Variants in LYST observed in about 807,000 individuals in gnomAD.
LYST encodes lysosomal-trafficking regulator.
LYST carries 192 observed loss-of-function variants against 413.6 expected under a neutral mutation model. That is an observed-to-expected ratio of 0.46 (90% CI 0.41 to 0.52). LYST has a LOEUF of 0.52. Among genes scored for constraint, LYST ranks in the 20% least tolerant of loss-of-function variants. The pLI is 0.00. For synonymous variants in LYST, 1,525 were observed against 1,567.3 expected (o/e 0.97, Z 0.64); for missense variants, 3,815 against 4,499.9 (o/e 0.85, Z 4.35).
intron 1 of LYST, chr1:235,852,924 G>C (rs554772241): frequency 5.9e-6 from 1 of 170,128 alleles, no homozygotes; most frequent in South Asian, 2.0e-4. Context: ...ATTTTTGACA[G>C]ACTACTCACA....
chr1:235,677,170 A>C lies in LYST; in HGVS notation c.10959T>G (p.Ser3653Arg). 6.2e-7 allele frequency: 1 copy of C among 1,613,248 alleles called. No homozygotes were observed. The highest frequency in any genetic ancestry group is 8.5e-7 in the Non-Finnish European group (1 of 1,179,210). The change falls in exon 50 of 53, where the codon AGT becomes AGG. Residue 3653 changes from serine to arginine, a missense_variant. Physicochemically the swap from Ser to Arg is moderately radical, Grantham distance 110. Around this residue, in one of 4 missense-constraint regions of LYST, gnomAD observed 866 missense variants for 1,156.0 expected, o/e 0.75. Transcript: ENST00000389793. ...WDLNRLCYVQ[S>R]LAGHKSPVTA... The stretch of plus-strand genomic sequence containing the variant: ...TGACAGGGCTTTTGTGTCCCGCCAG[A>C]CTTTGTACATAGCATAACCTGAAAG...
chr1:235,728,542 A>G (rs1487694093), intron 37 of LYST, among the ~76,000 whole-genome samples: 1 of 152,214 alleles, frequency 6.6e-6, no homozygotes, highest in Non-Finnish European at 1.5e-5. Context: ...ATCTAGCCAA[A>G]GGGAAATCCT....
At chr1:235,801,830 T>C (rs2102830442) in intron 8 of LYST, among the ~76,000 whole-genome samples, 1 of 152,248 alleles carries the variant, frequency 6.6e-6, no homozygotes, top group South Asian at 2.1e-4. Context: ...AAGATATCAG[T>C]GATTATTCCC....
chr1:235,700,637 G>A (rs1170348186), intron 45 of LYST, among the ~76,000 whole-genome samples: 2 of 151,378 alleles, frequency 1.3e-5, no homozygotes, highest in Admixed American at 1.3e-4. Flanking sequence ...GGCCCACAGA[G>A]TCAAGAAGCA....
chr1:235,670,474 T>G (rs1046834423), intron 50 of LYST, among the ~76,000 whole-genome samples: 11 of 152,196 alleles, frequency 7.2e-5, no homozygotes, highest in Admixed American at 7.2e-4. Flanking sequence ...GATCCCATTC[T>G]CCTCCGGAGA....
Position 235,744,055 on chromosome 1 carries a change from T to G in LYST, c.8075A>C (p.His2692Pro). ...QTEISEENIHHEQSSVFNPFQ... is the reference protein window; with the variant it reads ...QTEISEENIHPEQSSVFNPFQ... ...TGGATTGAAAACAGAAGACTGTTCATGATGAATATTTTCCTCAGAAATTTC... is the reference window on the plus strand; with the variant it reads ...TGGATTGAAAACAGAAGACTGTTCAGGATGAATATTTTCCTCAGAAATTTC... Residue 2692 changes from histidine to proline, a missense_variant, in exon 30 of 53, where the codon CAT (histidine) becomes CCT (proline). By Grantham distance (77) the His-to-Pro change is moderately conservative. This residue lies in a region of LYST where 771 missense variants were observed against 837.1 expected (regional missense o/e 0.92). Transcript: ENST00000389793. The G allele has an allele frequency of 6.3e-7, 1 of 1,584,316 alleles. No individual in the cohort carries two copies. Among genetic ancestry groups the G allele is most frequent in the Non-Finnish European group, 8.7e-7 (1 of 1,153,348 alleles).
At chr1:235,874,901 CT>C (rs941387544) in intron 1 of LYST, among the ~76,000 whole-genome samples, 4 of 152,142 alleles carry the variant, frequency 2.6e-5, no homozygotes, top group African/African-American at 9.7e-5. Flanking sequence ...CAACTGACAG[CT>C]GAGCTGGGAT....
chr1:235,796,000 C>T (rs931931736), intron 10 of LYST, among the ~76,000 whole-genome samples: 8 of 151,232 alleles, frequency 5.3e-5, no homozygotes, highest in South Asian at 4.2e-4. Context: ...TTAAAATTAC[C>T]GAAATAAAAA....
At chr1:235,770,632 A>G (rs1668573020) in intron 19 of LYST, among the ~76,000 whole-genome samples, 1 of 152,224 alleles carries the variant, frequency 6.6e-6, no homozygotes, top group Non-Finnish European at 1.5e-5. Context: ...TTGTTTTTAA[A>G]TAATTTATGT....
rs113344215 is a variant in LYST, at chr1:235,689,634, T to C, written c.10702-2587A>G. On this transcript the variant is annotated intron_variant, in intron 47 of 52. Transcript: ENST00000389793. ...GTTGTATTCTTGAAATTTGCTAAGA[T>C]AGTAGATCTTAAATATTCTCATCAC... 3.2e-3 allele frequency among the ~76,000 whole-genome samples: 495 copies of C among 152,350 alleles called. 2 individuals carry two copies. Among genetic ancestry groups the C allele is most frequent in the African/African-American group, 0.011 (463 of 41,566 alleles).
chr1:235,702,987 G>T lies in LYST; in HGVS notation c.10144-10C>A. 2 of 1,573,984 alleles carry T rather than the reference G, an allele frequency of 1.3e-6. No individual in the cohort carries two copies. Among genetic ancestry groups the T allele is most frequent in the Non-Finnish European group, 1.7e-6 (2 of 1,143,426 alleles). ...CCATTCCAAAATATGTCTGCAGAGT[G>T]AAAGAGTAAAGGAACAAGACATATG... On this transcript the variant is annotated splice_polypyrimidine_tract_variant and intron_variant, in intron 44 of 52. Transcript: ENST00000389793.
In LYST at chr1:235,733,426, C is replaced by T. The variant is rs6429275; in HGVS notation, c.8801+77G>A. On this transcript the variant is annotated intron_variant, in intron 34 of 52. Transcript: ENST00000389793. ...GAAATGATTTTATGAGTCTGAATTCCGGAATACAAATTCCGTTTAACATCA... is the reference window on the plus strand; with the variant it reads ...GAAATGATTTTATGAGTCTGAATTCTGGAATACAAATTCCGTTTAACATCA... 501,798 of 1,254,768 alleles carry T rather than the reference C, an allele frequency of 0.4. 111,088 individuals carry two copies. The highest frequency in any genetic ancestry group is 0.82 in the African/African-American group (56,042 of 67,988). 77.7% of individuals were successfully genotyped at this position (1,254,768 alleles called of 1,614,324 possible).
At chr1:235,802,841 T>G in intron 8 of LYST, 67 bp downstream of exon 8, 1 of 1,454,130 alleles carries the variant, frequency 6.9e-7, no homozygotes, top group Non-Finnish European at 9.6e-7. Context: ...GGTATTATTA[T>G]GAACCATTTT....
intron 22 of LYST, among the ~76,000 whole-genome samples, chr1:235,760,581 A>T (rs150430766): frequency 1.5e-4 from 23 of 152,250 alleles, no homozygotes; most frequent in African/African-American, 5.5e-4. Context: ...CATCAATACC[A>T]CCTGTGGGAT....
At chr1:235,708,067 T>C (rs942773953) in intron 44 of LYST, among the ~76,000 whole-genome samples, 17 of 152,120 alleles carry the variant, frequency 1.1e-4, no homozygotes, top group Non-Finnish European at 4.4e-5. Flanking sequence ...TAAGTAGCCA[T>C]TAAAAATAAT....
chr1:235,832,838 C>T (rs1350936160), intron 2 of LYST, among the ~76,000 whole-genome samples: 1 of 152,146 alleles, frequency 6.6e-6, no homozygotes, highest in East Asian at 1.9e-4. Flanking sequence ...GTTAGGTTTA[C>T]TCCAAGGCGC....
In LYST at chr1:235,693,095, A is replaced by C. The variant is rs12122253; in HGVS notation, c.10701+255T>G. 0.56 allele frequency among the ~76,000 whole-genome samples: 84,492 copies of C among 151,958 alleles called. 25,294 individuals are homozygous for C. Among genetic ancestry groups the C allele is most frequent in the African/African-American group, 0.73 (30,364 of 41,454 alleles). ...CTTTGGGAGGCCAAGGCGGGCAGAT[A>C]ACAAGGTCAGGAGATCGAGACCATC... On this transcript the variant is annotated intron_variant, in intron 47 of 52. Transcript: ENST00000389793.
In LYST at chr1:235,724,144, A is replaced by C; in HGVS notation, c.9199T>G (p.Trp3067Gly). ...QGELEPASFS[W>G]TYEEIKEVHK... ...ACTTCTTTAATTTCTTCATATGTCC[A>C]GGAAAATGATGCTGGTTCCAACTCT... The change falls in exon 39 of 53, where the codon TGG becomes GGG. Residue 3067 changes from tryptophan (W) to glycine (G), a missense_variant. This residue lies in a region of LYST where 866 missense variants were observed against 1,156.0 expected (regional missense o/e 0.75). Transcript: ENST00000389793. The C allele has an allele frequency of 6.2e-7, 1 of 1,613,968 alleles. No individual in the cohort carries two copies. Among genetic ancestry groups the C allele is most frequent in the Non-Finnish European group, 8.5e-7 (1 of 1,179,850 alleles).
intron 3 of LYST, 44 bp from the exon 4 acceptor site, chr1:235,813,105 G>T: frequency 9.0e-7 from 1 of 1,111,142 alleles, no homozygotes; most frequent in Middle Eastern, 2.0e-4. Flanking sequence ...AAGGCGATAA[G>T]ACACATCAGT....
Sources: allele counts gnomAD v4.1 joint callset (sites outside exome capture counted in the v4.1 genomes callset), GRCh38; gene constraint gnomAD v4.1.1; regional missense constraint gnomAD v4.1.1; transcripts MANE v1.5; gene names NCBI Gene and HGNC (gene_info 2026-07-23, HGNC 2026-07-21).